The following RASGRP2 variants were observed in gnomAD, a reference collection of about 807,000 sequenced individuals.
RASGRP2 encodes the protein RAS guanyl releasing protein 2, also known as RAS guanyl-releasing protein 2.
A neutral mutation model predicts 71.0 loss-of-function variants in RASGRP2; 44 were observed. The observed-to-expected ratio is 0.62, with a 90% CI of 0.49 to 0.80. The LOEUF is 0.80. RASGRP2 is among the 30% of genes least tolerant of loss of function. The pLI is 0.00. For missense variants in RASGRP2, 663 were observed against 813.4 expected (o/e 0.82, Z 2.25); for synonymous variants, 350 against 330.7 (o/e 1.06, Z -0.63).
At chr11:64,727,268 C>A in intron 16 of RASGRP2, 28 bp downstream of exon 16, 1 of 1,605,854 alleles carries the variant, frequency 6.2e-7, no homozygotes, top group Non-Finnish European at 8.5e-7. Context: ...CAGTGGGGAG[C>A]TCTGGTGCCA....
chr11:64,728,627 G>T (rs1411907925), intron 15 of RASGRP2, among the ~76,000 whole-genome samples: 1 of 151,936 alleles, frequency 6.6e-6, no homozygotes, highest in Non-Finnish European at 1.5e-5. Flanking sequence ...TAAAGATGGG[G>T]TTTCACCGTG....
Position 64,727,452 on chromosome 11 carries a change from C to T in RASGRP2, c.1772-92G>A, listed in dbSNP as rs1592343748. ...CTCCACGGGAGGCATCCACATCATC[C>T]CAGAAGCAGACCCACCCACCAAAAA... On this transcript the variant is annotated intron_variant, in intron 15 of 16. Coordinates refer to ENST00000394432, the MANE Select transcript of RASGRP2 (RefSeq NM_001098671.2). 9 of 1,180,776 alleles carry T rather than the reference C, an allele frequency of 7.6e-6. No individual in the cohort carries two copies. In the South Asian group the frequency reaches 8.7e-5, roughly 11 times the overall value. The allele number at this position is 1,180,776 out of a possible 1,614,324, so 73.1% of individuals were successfully genotyped here. A position where few individuals can be genotyped will look rare whatever the true frequency, so the allele number is the denominator to read the frequency against.
intron 12 of RASGRP2, among the ~76,000 whole-genome samples, chr11:64,731,839 G>C (rs1040805698): frequency 6.6e-6 from 1 of 152,164 alleles, no homozygotes; most frequent in Non-Finnish European, 1.5e-5. Flanking sequence ...GCTGATGGGG[G>C]TGCAAACTGG....
Position 64,742,111 on chromosome 11 carries a change from A to T in RASGRP2, c.75T>A (p.Asp25Glu), listed in dbSNP as rs760079672. ...GCGGGTCCCGCACCTTCCCGGAGTC[A>T]TCTGACTCCGAAGGGTCAAAGACAG... ...ELLRGCIEAF[D>E]DSGKVRDPQL... The change falls in exon 3 of 17, where the codon GAT (aspartate) becomes GAA (glutamate). Residue 25 changes from aspartate (D) to glutamate (E), a missense_variant and splice_region_variant. Physicochemically the swap from Asp to Glu is conservative, Grantham distance 45. Transcript: ENST00000394432. This position sits in a 1 kb window ranked among gnomAD's most constrained non-coding sequence, Gnocchi z 4.7. The T allele has an allele frequency of 6.3e-7, 1 of 1,587,264 alleles. No individual in the cohort carries two copies. Among genetic ancestry groups the T allele is most frequent in the Non-Finnish European group, 8.6e-7 (1 of 1,166,972 alleles).
rs2057899073 is a variant in RASGRP2 at position 64,735,398 on chromosome 11, C to T, written c.1296+144G>A. Reference sequence around the variant, plus strand: ...CCCACCCTACCCAGGGGCACTTCAGCCCCGTGCAGCTGGCCTGCCAGGCCC... The same window carrying T: ...CCCACCCTACCCAGGGGCACTTCAGTCCCGTGCAGCTGGCCTGCCAGGCCC... On this transcript the variant is annotated intron_variant, in intron 11 of 16. Coordinates refer to ENST00000394432, the MANE Select transcript of RASGRP2 (RefSeq NM_001098671.2). The surrounding 1 kb of genome is among the most constrained non-coding windows in gnomAD (Gnocchi z 4.2). The T allele has an allele frequency of 6.1e-6, 9 of 1,484,712 alleles. No homozygotes were observed. The South Asian group carries it at 6.8e-5, about 11-fold the overall frequency. The allele number at this position is 1,484,712 out of a possible 1,614,324, so 92.0% of individuals were successfully genotyped here.
intron 15 of RASGRP2, 95 bp downstream of exon 15, chr11:64,728,768 T>C: frequency 1.6e-6 from 2 of 1,280,162 alleles, no homozygotes; most frequent in Non-Finnish European, 2.1e-6. Context: ...AAAAAGAGAA[T>C]TATGCACTTT....
Position 64,735,611 on chromosome 11 carries a change from C to T in RASGRP2, c.1227G>A (p.Glu409=), listed in dbSNP as rs753022840. The part of the protein sequence containing the change: ...TPPPRPPVLE[E]WTSAAKPKLD... ...GCTTGGGTTTGGCAGCCGAGGTCCACTCCTCCAGTACCGGGGGCCGGGGTG... is the reference window on the plus strand; with the variant it reads ...GCTTGGGTTTGGCAGCCGAGGTCCATTCCTCCAGTACCGGGGGCCGGGGTG... Residue 409 remains glutamate, a synonymous_variant, in exon 11 of 17, where the codon GAG becomes GAA. Coordinates refer to ENST00000394432, the MANE Select transcript of RASGRP2 (RefSeq NM_001098671.2). This position sits in a 1 kb window ranked among gnomAD's most constrained non-coding sequence, Gnocchi z 4.2. 65 of 1,613,966 alleles carry T rather than the reference C, an allele frequency of 4.0e-5. No individual in the cohort carries two copies. Among genetic ancestry groups the T allele is most frequent in the Non-Finnish European group, 5.5e-5 (65 of 1,180,000 alleles).
Position 64,740,103 on chromosome 11 carries a change from G to C in RASGRP2, c.432C>G (p.Arg144=). 1.2e-6 allele frequency: 2 copies of C among 1,614,144 alleles called. No homozygotes were observed. Among genetic ancestry groups the C allele is most frequent in the Non-Finnish European group, 1.7e-6 (2 of 1,180,026 alleles). ...GGTGGTCAAACAACAGGGACATCTT[G>C]CGCTTTTTCTGTCCCACAGGGTTCC... ...TQRNPVGQKK[R]KMSLLFDHLE... The change falls in exon 6 of 17, where the codon CGC becomes CGG. Residue 144 remains arginine, a synonymous_variant. Transcript: ENST00000394432.
chr11:64,736,613 A>G, intron 9 of RASGRP2, 140 bp downstream of exon 9: 1 of 945,004 alleles, frequency 1.1e-6, no homozygotes, highest in South Asian at 1.6e-5. Flanking sequence ...CTCAGCATCC[A>G]CTCCAAACCC....
Position 64,739,408 on chromosome 11 carries a change from G to A in RASGRP2, c.765C>T (p.Ile255=). 6.2e-7 allele frequency: 1 copy of A among 1,614,192 alleles called. No individual in the cohort carries two copies. The highest frequency in any genetic ancestry group is 8.5e-7 in the Non-Finnish European group (1 of 1,180,024). The change falls in exon 8 of 17, where the codon ATC becomes ATT. Residue 255 remains isoleucine, a synonymous_variant. Transcript: ENST00000394432. The surrounding 1 kb of genome is among the most constrained non-coding windows in gnomAD (Gnocchi z 4.2). ...AVVGGLSHSS[I]SRLKETHSHV... Reference sequence around the variant, plus strand: ...GGCTGTGGGTCTCCTTGAGGCGGGAGATGGAGCTGTGGCTCAGGCCCCCGA... The same window carrying A: ...GGCTGTGGGTCTCCTTGAGGCGGGAAATGGAGCTGTGGCTCAGGCCCCCGA...
chr11:64,736,150 C>T (rs140849026), intron 9 of RASGRP2, among the ~76,000 whole-genome samples, 170 bp from the exon 10 acceptor site: 3 of 152,230 alleles, frequency 2.0e-5, no homozygotes, highest in Admixed American at 6.5e-5. Context: ...GTCATCCCAG[C>T]GCACAGATCA....
At chr11:64,744,802 C>G (rs1176710607), upstream of RASGRP2, 6 of 149,834 alleles carry the variant, frequency 4.0e-5, no homozygotes, top group East Asian at 1.2e-3. Context: ...CGTGCGCTCC[C>G]GCCCGCCGGC....
chr11:64,730,460 A>C (rs1227832682), intron 12 of RASGRP2, among the ~76,000 whole-genome samples: 1 of 152,208 alleles, frequency 6.6e-6, no homozygotes, highest in Non-Finnish European at 1.5e-5. Context: ...TTGGTGTGCA[A>C]ACTAAAATGA....
Position 64,735,664 on chromosome 11 carries a change from G to T in RASGRP2, c.1174C>A (p.Pro392Thr). 1 of 1,610,478 alleles carries T rather than the reference G, an allele frequency of 6.2e-7. No homozygotes were observed. The highest frequency in any genetic ancestry group is 8.5e-7 in the Non-Finnish European group (1 of 1,178,814). Residue 392 changes from proline to threonine, a missense_variant and splice_region_variant, in exon 11 of 17, where the codon CCA becomes ACA. By Grantham distance (38) the Pro-to-Thr change is conservative. Transcript: ENST00000394432. This position sits in a 1 kb window ranked among gnomAD's most constrained non-coding sequence, Gnocchi z 4.2. Reference sequence around the variant, plus strand: ...GGGGTGCAACTCGTGGGGCTGGTTGGCTATGGAAATGGTCGGGCCTGAGCT... The same window carrying T: ...GGGGTGCAACTCGTGGGGCTGGTTGTCTATGGAAATGGTCGGGCCTGAGCT... ...LQREPRSKSS[P>T]TSPTSCTPPP...
At chr11:64,732,478 G>A (rs754400061) in intron 12 of RASGRP2, among the ~76,000 whole-genome samples, 1 of 152,168 alleles carries the variant, frequency 6.6e-6, no homozygotes, top group Non-Finnish European at 1.5e-5. Flanking sequence ...GCGCAACATG[G>A]TGAAACCCCA....
At position 64,735,064 on chromosome 11, in the gene RASGRP2, G is replaced by A; in HGVS notation, c.1412+48C>T. ...ACAAGAAACTGAAGCCCAGGCAGAA[G>A]TGGGCTGAGTTGCCTTCCCTCTCCC... On this transcript the variant is annotated intron_variant, in intron 12 of 16. Transcript: ENST00000394432. This position sits in a 1 kb window ranked among gnomAD's most constrained non-coding sequence, Gnocchi z 4.2. 7.2e-7 allele frequency: 1 copy of A among 1,385,842 alleles called. No individual in the cohort carries two copies. The highest frequency in any genetic ancestry group is 1.0e-6 in the Non-Finnish European group (1 of 971,884). The allele number at this position is 1,385,842 out of a possible 1,614,324, so 85.8% of individuals were successfully genotyped here. A position where few individuals can be genotyped will look rare whatever the true frequency, so the allele number is the denominator to read the frequency against.
intron 4 of RASGRP2, 114 bp from the exon 5 acceptor site, chr11:64,741,193 T>C: frequency 7.4e-7 from 1 of 1,348,040 alleles, no homozygotes; most frequent in South Asian, 1.3e-5. Context: ...AAACTATGGT[T>C]CCAGCTCTTT....
rs571941216 is a variant in RASGRP2, at chr11:64,732,966, GA to G, written c.1412+2145del. ...AACTCCGTCTCAAAAAAAAGGAAAA[GA>G]AAAAAAAATTAGCCGGGTCTGGTGG... is the stretch of plus-strand genomic sequence containing the variant. On this transcript the variant is annotated intron_variant, in intron 12 of 16. Transcript: ENST00000394432. Among the ~76,000 whole-genome samples the G allele has an allele frequency of 7.4e-5, 11 of 147,740 alleles. No individual in the cohort carries two copies. In the South Asian group the frequency reaches 8.7e-4, roughly 12 times the overall value.
chr11:64,742,815 G>C lies in RASGRP2; in HGVS notation c.52C>G (p.Arg18Gly). ...DKGCTVEELL[R>G]GCIEAFDDSG... Reference sequence around the variant, plus strand: ...TCACCGAAGGCTTCGATGCACCCGCGGAGCAGCTCCTCCACCGTGCAGCCC... The same window carrying C: ...TCACCGAAGGCTTCGATGCACCCGCCGAGCAGCTCCTCCACCGTGCAGCCC... Residue 18 changes from arginine to glycine, a missense_variant, in exon 2 of 17, where the codon CGC (arginine) becomes GGC (glycine). Transcript: ENST00000394432. This position sits in a 1 kb window ranked among gnomAD's most constrained non-coding sequence, Gnocchi z 4.7. 1 of 1,608,760 alleles carries C rather than the reference G, an allele frequency of 6.2e-7. No individual in the cohort carries two copies. The highest frequency in any genetic ancestry group is 8.5e-7 in the Non-Finnish European group (1 of 1,178,412).
Sources: gnomAD v4.1 joint callset for allele counts (sites outside exome capture counted in the v4.1 genomes callset) on GRCh38, gnomAD v4.1.1 for gene constraint, Gnocchi (gnomAD v3.1) non-coding constraint, MANE v1.5 for transcripts, NCBI Gene and HGNC (gene_info 2026-07-23, HGNC 2026-07-21) for gene names.